Variants in LRRC37A2 observed in about 807,000 individuals in gnomAD.
The protein encoded by LRRC37A2 is leucine rich repeat containing 37 member A2.
LRRC37A2 carries 9 observed loss-of-function variants against 68.8 expected under a neutral mutation model. The observed-to-expected ratio is 0.13, with a 90% confidence interval of 0.08 to 0.23. The LOEUF (loss-of-function observed/expected upper bound fraction) is 0.23, where lower values mean the gene tolerates loss of function less well. LRRC37A2 is among the 10% of genes least tolerant of loss of function. LRRC37A2 has a pLI of 1.00. For synonymous variants in LRRC37A2, 63 were observed against 367.6 expected, an observed-to-expected ratio of 0.17 and a Z score of 9.48; for missense variants, 168 against 950.4, an observed-to-expected ratio of 0.18 and a Z score of 10.82.
the LRRC37A2 span, among the ~76,000 whole-genome samples, chr17:46,712,178 G>A: frequency 1.2e-4 from 18 of 152,178 alleles, no homozygotes; most frequent in East Asian, 3.5e-3. Flanking sequence ...GAGTAGTGTA[G>A]ATGGAGATAA....
the LRRC37A2 span, among the ~76,000 whole-genome samples, chr17:46,896,889 C>T: frequency 6.6e-6 from 1 of 152,210 alleles, no homozygotes; most frequent in East Asian, 1.9e-4. Context: ...GGGCTGGACA[C>T]CCCCCACCAG....
chr17:46,489,555 G>T, the LRRC37A2 span, among the ~76,000 whole-genome samples: 1 of 147,852 alleles, frequency 6.8e-6, no homozygotes, highest in Non-Finnish European at 1.5e-5. Flanking sequence ...GTGTGATCTC[G>T]GCTCACTGCA....
At chr17:46,528,710 G>C in intron 6 of LRRC37A2, 1 of 646,452 alleles carries the variant, frequency 1.5e-6, no homozygotes, top group South Asian at 1.6e-5. Context: ...GGGCAACAGA[G>C]TGAGACTTCA....
chr17:46,534,000 C>T (rs1337134438), intron 6 of LRRC37A2, among the ~76,000 whole-genome samples: 1 of 121,850 alleles, frequency 8.2e-6, no homozygotes, highest in Non-Finnish European at 1.6e-5. Context: ...GCCTTTTGTC[C>T]TCCAGTGTTG....
At chr17:46,767,576 C>A in the LRRC37A2 span, among the ~76,000 whole-genome samples, 3 of 152,216 alleles carry the variant, frequency 2.0e-5, no homozygotes, top group Non-Finnish European at 2.9e-5. Flanking sequence ...AAGCTGAGGC[C>A]CAGAAAAGTG....
chr17:46,848,630 A>C, the LRRC37A2 span, among the ~76,000 whole-genome samples: 13 of 152,222 alleles, frequency 8.5e-5, no homozygotes, highest in African/African-American at 3.1e-4. Flanking sequence ...ATGGACACTT[A>C]GGAGGTACAC....
At chr17:46,860,696 A>T in the LRRC37A2 span, among the ~76,000 whole-genome samples, 1 of 152,202 alleles carries the variant, frequency 6.6e-6, no homozygotes, top group African/African-American at 2.4e-5. Flanking sequence ...TTTGGTGGTG[A>T]CATCTGTTCC....
the LRRC37A2 span, among the ~76,000 whole-genome samples, chr17:46,874,638 C>T: frequency 1.6e-3 from 242 of 152,174 alleles, 1 homozygote; most frequent in Non-Finnish European, 2.9e-3. Context: ...AGTGCAATGG[C>T]GCAATCTCAG....
At chr17:46,941,555 T>G in the LRRC37A2 span, 1 of 285,974 alleles carries the variant, frequency 3.5e-6, no homozygotes, top group Non-Finnish European at 5.2e-6. Context: ...AGAACCTTTT[T>G]TAAATCTCTA....
the LRRC37A2 span, among the ~76,000 whole-genome samples, chr17:46,746,209 A>AAAT: frequency 6.6e-6 from 1 of 152,184 alleles, no homozygotes. Flanking sequence ...TTGATTCCTC[A>AAAT]AATAATAATA....
At chr17:46,605,692 A>G in the LRRC37A2 span, among the ~76,000 whole-genome samples, 1 of 74,656 alleles carries the variant, frequency 1.3e-5, no homozygotes, top group Non-Finnish European at 2.7e-5. Flanking sequence ...ACTAGTGGAA[A>G]TTCAGATCAA....
At chr17:46,862,180 GAAAAA>G in the LRRC37A2 span, among the ~76,000 whole-genome samples, 3 of 143,954 alleles carry the variant, frequency 2.1e-5, no homozygotes, top group African/African-American at 7.8e-5. Context: ...AAAAAAAAAA[GAAAAA>G]GAAAAAGAAA....
chr17:47,014,070 G>A, the LRRC37A2 span, among the ~76,000 whole-genome samples: 2 of 141,030 alleles, frequency 1.4e-5, no homozygotes, highest in Non-Finnish European at 3.1e-5. Flanking sequence ...TCCAGCCTGG[G>A]CAACAAGAGT....
the LRRC37A2 span, among the ~76,000 whole-genome samples, chr17:46,826,413 A>G: frequency 2.2e-4 from 34 of 152,362 alleles, no homozygotes; most frequent in African/African-American, 7.9e-4. Context: ...AAGCAGGGAC[A>G]TCTGCCTGGC....
At chr17:46,899,659 G>C in the LRRC37A2 span, among the ~76,000 whole-genome samples, 1 of 152,126 alleles carries the variant, frequency 6.6e-6, no homozygotes, top group Non-Finnish European at 1.5e-5. Flanking sequence ...GTTTTGGGAG[G>C]AGGTAATGAA....
intron 8 of LRRC37A2, among the ~76,000 whole-genome samples, chr17:46,546,004 A>G (rs1231663207): frequency 2.2e-4 from 33 of 148,248 alleles, no homozygotes; most frequent in African/African-American, 8.3e-4. Flanking sequence ...TTCTGAAACT[A>G]CTAATCACTG....
At chr17:46,941,052 C>T in the LRRC37A2 span, 118,411 of 1,081,316 alleles carry the variant, frequency 0.11, 6,918 homozygotes, top group African/African-American at 0.14. Context: ...CAAGAAACTC[C>T]GGTAGCCAGC....
chr17:46,708,359 TTC>T, the LRRC37A2 span, among the ~76,000 whole-genome samples: 1 of 152,190 alleles, frequency 6.6e-6, no homozygotes, highest in African/African-American at 2.4e-5. Flanking sequence ...ACAAATTATT[TTC>T]TGTTTTTTTG....
chr17:46,932,050 C>T, the LRRC37A2 span: 1 of 1,611,460 alleles, frequency 6.2e-7, no homozygotes, highest in African/African-American at 1.3e-5. Context: ...TTTAATCTCT[C>T]TCTCCATCAA....
Sources: allele counts gnomAD v4.1 joint callset (sites outside exome capture counted in the v4.1 genomes callset), GRCh38; gene constraint gnomAD v4.1.1; transcripts MANE v1.5; gene names NCBI Gene and HGNC (gene_info 2026-07-23, HGNC 2026-07-21).